Variants in TTLL5 observed in about 807,000 individuals in gnomAD.
The protein encoded by TTLL5 is tubulin tyrosine ligase like 5.
Under a neutral mutation model 168.4 loss-of-function variants are expected in TTLL5, and 132 were observed. That is an observed-to-expected ratio of 0.78 (90% CI 0.68 to 0.91). The LOEUF is 0.91. TTLL5 is among the 40% of genes least tolerant of loss of function. TTLL5 has a pLI of 0.00. For synonymous variants in TTLL5, 546 were observed against 558.6 expected (o/e 0.98, Z 0.32); for missense variants, 1,545 against 1,581.5 (o/e 0.98, Z 0.39).
intron 28 of TTLL5, among the ~76,000 whole-genome samples, chr14:75,853,063 G>A (rs1311021550): frequency 6.6e-6 from 1 of 152,122 alleles, no homozygotes; most frequent in East Asian, 1.9e-4. Context: ...CAATTTCAGT[G>A]CTAAATTTAA....
chr14:75,791,035 G>A (rs2140347311), intron 26 of TTLL5, among the ~76,000 whole-genome samples: 2 of 148,268 alleles, frequency 1.3e-5, no homozygotes, highest in African/African-American at 5.1e-5. Context: ...GAACCTGGGA[G>A]GCGGAGCTTG....
chr14:75,801,600 A>C (rs185083860), intron 27 of TTLL5, among the ~76,000 whole-genome samples: 3 of 152,048 alleles, frequency 2.0e-5, no homozygotes, highest in East Asian at 3.9e-4. Context: ...AACCATCCCT[A>C]CTTCCCCCCA....
intron 30 of TTLL5, among the ~76,000 whole-genome samples, chr14:75,884,410 C>A (rs895883966): frequency 2.6e-5 from 4 of 152,206 alleles, no homozygotes; most frequent in African/African-American, 9.6e-5. Context: ...CTTGCTACTG[C>A]CCTGAACTCA....
Position 75,840,826 on chromosome 14 carries a change from C to A in TTLL5, c.3326+20665C>A, listed in dbSNP as rs78246632. ...TATTTACCTTCTGTGTTAATTCATT[C>A]TTGCATTGCTATAAAGAAATACCTG... On this transcript the variant is annotated intron_variant, in intron 28 of 31. Coordinates refer to ENST00000298832, the MANE Select transcript of TTLL5 (RefSeq NM_015072.5). 8.4e-3 allele frequency among the ~76,000 whole-genome samples: 1,275 copies of A among 152,174 alleles called. 18 individuals carry two copies. Among genetic ancestry groups the A allele is most frequent in the African/African-American group, 0.029 (1,202 of 41,518 alleles).
intron 7 of TTLL5, among the ~76,000 whole-genome samples, chr14:75,699,489 G>A (rs533453456): frequency 1.3e-5 from 2 of 152,306 alleles, no homozygotes; most frequent in African/African-American, 4.8e-5. Context: ...AAAGACACTT[G>A]ATCAGATTTT....
intron 31 of TTLL5, among the ~76,000 whole-genome samples, chr14:75,922,207 A>T (rs1000463344): frequency 2.6e-5 from 4 of 151,882 alleles, no homozygotes; most frequent in South Asian, 4.2e-4. Context: ...TCTTTTCCTA[A>T]TTGAATACCC....
chr14:75,840,984 A>T (rs1258599131), intron 28 of TTLL5, among the ~76,000 whole-genome samples: 1 of 152,150 alleles, frequency 6.6e-6, no homozygotes, highest in African/African-American at 2.4e-5. Flanking sequence ...GGTGAAGGGG[A>T]GCAGGTATGT....
At chr14:75,755,435 C>T (rs1890192650) in intron 18 of TTLL5, among the ~76,000 whole-genome samples, 1 of 151,990 alleles carries the variant, frequency 6.6e-6, no homozygotes, top group Non-Finnish European at 1.5e-5. Context: ...TACAAACTCC[C>T]CTTCTTTTGG....
At chr14:75,712,155 G>C (rs1014965414) in intron 9 of TTLL5, 1 of 152,112 alleles carries the variant, frequency 6.6e-6, no homozygotes, top group Non-Finnish European at 1.5e-5. Context: ...GCTGCAGCTG[G>C]TTGACAGCAG....
intron 10 of TTLL5, 52 bp from the exon 11 acceptor site, chr14:75,719,683 T>A: frequency 6.8e-7 from 1 of 1,472,960 alleles, no homozygotes; most frequent in Non-Finnish European, 9.1e-7. Flanking sequence ...AGTCTTGTTA[T>A]TATAGCCAAG....
chr14:75,925,533 G>A (rs901121193), intron 31 of TTLL5, among the ~76,000 whole-genome samples: 3 of 150,318 alleles, frequency 2.0e-5, no homozygotes, highest in Admixed American at 6.6e-5. Context: ...TAGATGGGAT[G>A]GCGGCTGGGC....
chr14:75,904,480 G>A (rs2033063371), intron 31 of TTLL5, among the ~76,000 whole-genome samples: 1 of 152,134 alleles, frequency 6.6e-6, no homozygotes, highest in African/African-American at 2.4e-5. Context: ...ATTGAACTTT[G>A]CATGCACTCC....
chr14:75,935,615 G>A (rs893739367), intron 31 of TTLL5, among the ~76,000 whole-genome samples: 2 of 152,214 alleles, frequency 1.3e-5, no homozygotes, highest in African/African-American at 4.8e-5. Flanking sequence ...ATTACCTAAA[G>A]AGTTCTCTTG....
intron 30 of TTLL5, chr14:75,886,855 A>G (rs1566646080): frequency 6.6e-7 from 1 of 1,514,710 alleles, no homozygotes; most frequent in Non-Finnish European, 8.8e-7. Flanking sequence ...TCCAGGAAAT[A>G]TGGAGAAAGA....
chr14:75,939,097 T>C (rs1050943698), intron 31 of TTLL5, among the ~76,000 whole-genome samples: 4 of 152,146 alleles, frequency 2.6e-5, no homozygotes, highest in African/African-American at 9.7e-5. Context: ...CAACACAAAG[T>C]TGGGGCTTTC....
chr14:75,823,218 A>C (rs990045975), intron 28 of TTLL5, among the ~76,000 whole-genome samples: 1 of 152,158 alleles, frequency 6.6e-6, no homozygotes, highest in Non-Finnish European at 1.5e-5. Context: ...TTCTTTAGCC[A>C]ATGAGAAAGA....
At chr14:75,828,915 C>T (rs895665874) in intron 28 of TTLL5, among the ~76,000 whole-genome samples, 17 of 152,246 alleles carry the variant, frequency 1.1e-4, no homozygotes, top group African/African-American at 3.9e-4. Flanking sequence ...GTAATGTTAT[C>T]CTCAAAAAGT....
chr14:75,750,312 C>CTTATCAGCAGAGGA (rs1566587633), intron 17 of TTLL5, among the ~76,000 whole-genome samples: 2 of 151,804 alleles, frequency 1.3e-5, no homozygotes. Flanking sequence ...TAGAAAACTG[C>CTTATCAGCAGAGGA]TTATCAGCAG....
chr14:75,809,644 ATACTT>A (rs757985927), intron 27 of TTLL5, among the ~76,000 whole-genome samples: 13 of 152,260 alleles, frequency 8.5e-5, no homozygotes, highest in African/African-American at 3.1e-4. Context: ...TTTTCCTACT[ATACTT>A]TCGAATACTA....
Sources: allele counts gnomAD v4.1 joint callset (sites outside exome capture counted in the v4.1 genomes callset), GRCh38; gene constraint gnomAD v4.1.1; transcripts MANE v1.5; gene names NCBI Gene and HGNC (gene_info 2026-07-23, HGNC 2026-07-21).